FBRSL1: variants seen among roughly 807,000 people sequenced by gnomAD.
FBRSL1 encodes fibrosin like 1.
A neutral mutation model predicts 89.6 loss-of-function variants in FBRSL1; 51 were observed. The ratio of observed to expected loss-of-function variants is 0.57; its 90% CI spans 0.45 to 0.72. The LOEUF is 0.72. FBRSL1 is among the 30% of genes least tolerant of loss of function. The pLI, the probability that FBRSL1 is intolerant of heterozygous loss-of-function variation, is 0.00. For synonymous variants in FBRSL1, 779 were observed against 681.1 expected (o/e 1.14, Z -2.24); for missense variants, 1,618 against 1,451.8 (o/e 1.11, Z -1.86).
In FBRSL1 at chr12:132,556,745, G is replaced by A. The variant is rs12829204; in HGVS notation, c.645+8713G>A. Among the ~76,000 whole-genome samples the A allele has an allele frequency of 1.5e-3, 42 of 28,008 alleles. 1 individual carries two copies. Among genetic ancestry groups the A allele is most frequent in the African/African-American group, 5.1e-3 (25 of 4,886 alleles). 18.4% of individuals were successfully genotyped at this position (28,008 alleles called of 152,430 possible). On this transcript the variant is annotated intron_variant, in intron 5 of 18. Transcript: ENST00000680143. ...GTGGGACGCTCTTCTTCAGGCCTTC[G>A]TGCTGCACCCCAACCCCTGTCCTGT...
chr12:132,565,360 A>T (rs1425631959), intron 5 of FBRSL1: 1 of 152,234 alleles, frequency 6.6e-6, no homozygotes, highest in East Asian at 1.9e-4. Context: ...AGACGCCGAC[A>T]CGCGGGCACC....
chr12:132,558,755 C>T (rs2038876861), intron 5 of FBRSL1, among the ~76,000 whole-genome samples: 2 of 152,234 alleles, frequency 1.3e-5, no homozygotes, highest in Admixed American at 6.5e-5. Context: ...CTGCGGGCTC[C>T]GCCATGGATA....
At chr12:132,580,048 A>G (rs79167639) in intron 15 of FBRSL1, among the ~76,000 whole-genome samples, 3,791 of 152,140 alleles carry the variant, frequency 0.025, 163 homozygotes, top group African/African-American at 0.086. Context: ...TTTTTCCTTC[A>G]TTAATCTCAC....
intron 4 of FBRSL1, among the ~76,000 whole-genome samples, chr12:132,542,880 G>T (rs957657219): frequency 6.6e-6 from 1 of 152,254 alleles, no homozygotes; most frequent in Admixed American, 6.5e-5. Context: ...GGAAGGGGAG[G>T]CATGTGTTCT....
chr12:132,523,806 G>A (rs891600508), intron 2 of FBRSL1, among the ~76,000 whole-genome samples: 5 of 152,186 alleles, frequency 3.3e-5, no homozygotes, highest in Non-Finnish European at 5.9e-5. Flanking sequence ...TCTGGGAGAC[G>A]ATGATGCATT....
intron 5 of FBRSL1, chr12:132,553,621 A>G (rs2038376352): frequency 6.6e-6 from 1 of 152,166 alleles, no homozygotes; most frequent in South Asian, 2.1e-4. Context: ...GACCGAGATC[A>G]TGACCACCAC....
chr12:132,521,032 C>T (rs1384994981), intron 2 of FBRSL1, among the ~76,000 whole-genome samples: 1 of 152,196 alleles, frequency 6.6e-6, no homozygotes, highest in Non-Finnish European at 1.5e-5. Context: ...AGCCAGGGAG[C>T]TGGACACCCA....
intron 5 of FBRSL1, among the ~76,000 whole-genome samples, chr12:132,550,214 G>A (rs2038037437): frequency 6.6e-6 from 1 of 152,112 alleles, no homozygotes; most frequent in Non-Finnish European, 1.5e-5. Flanking sequence ...GGGAGGGAGA[G>A]GGGCTGCGGA....
intron 5 of FBRSL1, among the ~76,000 whole-genome samples, chr12:132,548,595 C>T (rs1417710100): frequency 2.6e-5 from 4 of 152,234 alleles, no homozygotes; most frequent in Non-Finnish European, 5.9e-5. Context: ...TCGGAGCAGC[C>T]TCCGGGGGGG....
chr12:132,567,909 C>T (rs114071541), intron 6 of FBRSL1, among the ~76,000 whole-genome samples: 2,101 of 152,322 alleles, frequency 0.014, 34 homozygotes, highest in African/African-American at 0.046. Flanking sequence ...ACTCACTTCC[C>T]TGGCTCTGCT....
At chr12:132,581,957 C>G in intron 17 of FBRSL1, 105 bp from the exon 18 acceptor site, 1 of 1,295,470 alleles carries the variant, frequency 7.7e-7, no homozygotes, top group Non-Finnish European at 1.1e-6. Context: ...GCACCCCCTT[C>G]TCAGTGTCAG....
At chr12:132,518,133 C>G (rs1158022203) in intron 2 of FBRSL1, among the ~76,000 whole-genome samples, 2 of 152,172 alleles carry the variant, frequency 1.3e-5, no homozygotes, top group African/African-American at 4.8e-5. Flanking sequence ...CCCACACACA[C>G]TAGTGTCCCC....
In FBRSL1 at chr12:132,582,082, G is replaced by GC; in HGVS notation, c.2022dup (p.Lys675GlnfsTer14). ...CCCAGCTCCCGGTGGCAGCATCTTT[G>GC]CCCCCAAGGAGGGCTCCTCCGTGCA... On this transcript the variant is annotated frameshift_variant, in exon 18 of 19. Transcript: ENST00000680143. LOFTEE classifies it high-confidence loss of function. 6.5e-7 allele frequency: 1 copy of GC among 1,547,928 alleles called. No homozygotes were observed. The highest frequency in any genetic ancestry group is 8.7e-7 in the Non-Finnish European group (1 of 1,145,594).
rs1051899284 is a variant in FBRSL1 at position 132,572,242 on chromosome 12, C to T, written c.1378-46C>T. On this transcript the variant is annotated intron_variant, in intron 9 of 18. Coordinates refer to ENST00000680143, the MANE Select transcript of FBRSL1 (RefSeq NM_001367871.1). ...GTGGGCGGGGCCCGGGGCCCAGCAA[C>T]GGTGTCGTGTGTGCGGGGCCTCACC... The T allele has an allele frequency of 2.9e-5, 45 of 1,528,344 alleles. No homozygotes were observed. The Admixed American group carries it at 3.2e-4, about 11-fold the overall frequency. 94.7% of individuals were successfully genotyped at this position (1,528,344 alleles called of 1,614,324 possible).
At chr12:132,563,563 T>TC (rs1463765481) in intron 5 of FBRSL1, among the ~76,000 whole-genome samples, 8 of 152,184 alleles carry the variant, frequency 5.3e-5, no homozygotes, top group African/African-American at 1.7e-4. Context: ...CGTTTGCCTG[T>TC]CCGTCTGTCC....
At chr12:132,568,452 C>T (rs2039782149) in intron 6 of FBRSL1, among the ~76,000 whole-genome samples, 1 of 152,266 alleles carries the variant, frequency 6.6e-6, no homozygotes, top group Non-Finnish European at 1.5e-5. Context: ...AAGGGGCGTG[C>T]ATGGGACGGG....
intron 4 of FBRSL1, among the ~76,000 whole-genome samples, chr12:132,545,145 C>G (rs948462800): frequency 1.3e-5 from 2 of 152,176 alleles, no homozygotes; most frequent in African/African-American, 4.8e-5. Flanking sequence ...TTCTTTGGAG[C>G]CTGAGTCTTG....
chr12:132,495,713 G>A (rs990452567), intron 1 of FBRSL1, among the ~76,000 whole-genome samples: 1 of 152,218 alleles, frequency 6.6e-6, no homozygotes, highest in African/African-American at 2.4e-5. Context: ...CACAGCTGTG[G>A]GCAAGGGCTG....
At chr12:132,509,026 C>A (rs1052651382) in intron 2 of FBRSL1, 4 of 1,173,654 alleles carry the variant, frequency 3.4e-6, no homozygotes, top group Middle Eastern at 3.2e-4. Context: ...GGGCTCTGCG[C>A]GGTGTCCTCG....
Sources: allele counts gnomAD v4.1 joint callset (sites outside exome capture counted in the v4.1 genomes callset), GRCh38; gene constraint gnomAD v4.1.1; transcripts MANE v1.5; gene names NCBI Gene and HGNC (gene_info 2026-07-23, HGNC 2026-07-21).